The following PALB2 variants were observed in gnomAD, a reference collection of about 807,000 sequenced individuals.
PALB2 encodes the protein partner and localizer of BRCA2, also known as mutant partner and localizer of BRCA2.
PALB2 carries 82 observed loss-of-function variants against 107.4 expected under a neutral mutation model. That is an observed-to-expected ratio of 0.76 (90% CI 0.64 to 0.92). PALB2 has a LOEUF of 0.92. Among genes scored for constraint, PALB2 ranks in the 40% least tolerant of loss-of-function variants. The pLI, the probability that PALB2 is intolerant of heterozygous loss-of-function variation, is 0.00. For missense variants in PALB2, 1,374 were observed against 1,379.9 expected (o/e 1.00, Z 0.07); for synonymous variants, 489 against 496.8 (o/e 0.98, Z 0.21).
chr16:23,631,109 C>CAAAAAAAA (rs58841030), intron 4 of PALB2, among the ~76,000 whole-genome samples: 5 of 58,458 alleles, frequency 8.6e-5, no homozygotes, highest in East Asian at 4.2e-4. Context: ...ACTAAAAATA[C>CAAAAAAAA]AAAAAAAAAA....
chr16:23,628,335 T>A (rs917232803), intron 6 of PALB2, among the ~76,000 whole-genome samples: 12 of 152,226 alleles, frequency 7.9e-5, no homozygotes, highest in Middle Eastern at 3.4e-3. Flanking sequence ...GGCTCAGAGG[T>A]TACACAATTT....
chr16:23,625,053 G>C (rs1966839327), intron 7 of PALB2, among the ~76,000 whole-genome samples: 1 of 152,076 alleles, frequency 6.6e-6, no homozygotes, highest in African/African-American at 2.4e-5. Context: ...CCGTCTCTAG[G>C]CTGGGTGTAG....
chr16:23,629,583 A>C lies in PALB2; in HGVS notation c.2514+57T>G, dbSNP rs1430178509. ...TGCGCAAGCAAGTCATGCTGTTTAC[A>C]TTCACTAAGGCATTTCATTCCTTCA... On this transcript the variant is annotated intron_variant, in intron 5 of 12. Coordinates refer to ENST00000261584, the MANE Select transcript of PALB2 (RefSeq NM_024675.4). 14 of 1,528,120 alleles carry C rather than the reference A, an allele frequency of 9.2e-6. 1 individual carries two copies. Among genetic ancestry groups the C allele is most frequent in the Non-Finnish European group, 1.2e-5 (13 of 1,105,670 alleles). 94.7% of individuals were successfully genotyped at this position (1,528,120 alleles called of 1,614,324 possible).
chr16:23,620,330 C>G (rs960256404), intron 10 of PALB2, among the ~76,000 whole-genome samples: 1 of 151,792 alleles, frequency 6.6e-6, no homozygotes, highest in Admixed American at 6.6e-5. Flanking sequence ...AGGACTTTTC[C>G]CCTCCCTTTC....
chr16:23,617,642 G>A (rs1966707921), intron 10 of PALB2: 1 of 152,072 alleles, frequency 6.6e-6, no homozygotes, highest in Non-Finnish European at 1.5e-5. Context: ...TACTCAGGAG[G>A]CTGAGGTGGG....
intron 11 of PALB2, among the ~76,000 whole-genome samples, chr16:23,610,300 A>G (rs1017765713): frequency 1.3e-5 from 2 of 150,340 alleles, no homozygotes; most frequent in African/African-American, 4.9e-5. Context: ...AAATAATACA[A>G]TGTTATTTCT....
intron 5 of PALB2, 86 bp from the exon 6 acceptor site, chr16:23,629,361 T>A (rs1966854465): frequency 4.1e-6 from 5 of 1,213,810 alleles, no homozygotes; most frequent in Non-Finnish European, 6.1e-6. Flanking sequence ...GTCTACTTCG[T>A]ATTGTCTTTA....
intron 8 of PALB2, among the ~76,000 whole-genome samples, chr16:23,623,528 T>C (rs1047391048): frequency 9.5e-6 from 1 of 105,406 alleles, no homozygotes; most frequent in Non-Finnish European, 1.9e-5. Flanking sequence ...TTTTTTTTTT[T>C]TGAGACAAAG....
At chr16:23,632,403 C>T (rs112466855) in intron 4 of PALB2, among the ~76,000 whole-genome samples, 3 of 152,100 alleles carry the variant, frequency 2.0e-5, no homozygotes, top group East Asian at 3.9e-4. Flanking sequence ...AAGATTGTGC[C>T]ACTGCACTCC....
chr16:23,606,839 T>TTTTTTTTTTG (rs1597065493), intron 12 of PALB2, among the ~76,000 whole-genome samples: 1 of 145,510 alleles, frequency 6.9e-6, no homozygotes, highest in African/African-American at 2.6e-5. Context: ...TTTTTTTTTT[T>TTTTTTTTTTG]GAGACGGAGT....
At chr16:23,605,069 G>A (rs550133739) in intron 12 of PALB2, among the ~76,000 whole-genome samples, 45 of 151,664 alleles carry the variant, frequency 3.0e-4, no homozygotes, top group African/African-American at 9.7e-4. Flanking sequence ...GAGAAACTCC[G>A]TCTCAAAAAA....
chr16:23,608,503 A>G (rs1966522456), intron 11 of PALB2, among the ~76,000 whole-genome samples: 1 of 152,164 alleles, frequency 6.6e-6, no homozygotes, highest in Admixed American at 6.6e-5. Context: ...GCAAAGAGAG[A>G]ATGAGGACAC....
intron 7 of PALB2, among the ~76,000 whole-genome samples, chr16:23,625,920 G>T (rs1332224734): frequency 1.3e-5 from 2 of 150,878 alleles, no homozygotes; most frequent in Non-Finnish European, 3.0e-5. Flanking sequence ...GGTTGAAACT[G>T]CAGTGAGCCG....
rs1966511830 is a variant in PALB2 at position 23,607,976 on chromosome 16, T to C, written c.3238A>G (p.Lys1080Glu). ...GGGCTTCGCAACGACTCACTCTCTT[T>C]GGCACAGGGATGACTCAGGACAATA... is the stretch of plus-strand genomic sequence containing the variant. ...LFIVLSHPCA[K>E]ESESLRSPVF... Residue 1080 changes from lysine (K) to glutamate (E), a missense_variant, in exon 12 of 13, where the codon AAA becomes GAA. By Grantham distance (56) the Lys-to-Glu change is moderately conservative. Transcript: ENST00000261584. The C allele has an allele frequency of 6.2e-7, 1 of 1,614,100 alleles. No individual in the cohort carries two copies. The highest frequency in any genetic ancestry group is 1.1e-5 in the South Asian group (1 of 91,076).
intron 12 of PALB2, among the ~76,000 whole-genome samples, chr16:23,606,546 G>C (rs919709136): frequency 6.6e-6 from 1 of 151,596 alleles, no homozygotes; most frequent in African/African-American, 2.4e-5. Flanking sequence ...GTCAGACCTT[G>C]TTTTCTTGAT....
chr16:23,635,944 C>CT lies in PALB2; in HGVS notation c.601dup (p.Ser201LysfsTer3), dbSNP rs886041220. ...AGAATCTGGAAGTTCAGATTTAAGA[C>CT]TTAAAAGGTGAGTTCTTATTTCAGT... On this transcript the variant is annotated frameshift_variant, in exon 4 of 13. Coordinates refer to ENST00000261584, the MANE Select transcript of PALB2 (RefSeq NM_024675.4). LOFTEE classifies it high-confidence loss of function. The CT allele has an allele frequency of 1.2e-6, 2 of 1,614,022 alleles. No homozygotes were observed. The highest frequency in any genetic ancestry group is 1.7e-6 in the Non-Finnish European group (2 of 1,180,040).
Position 23,629,864 on chromosome 16 carries a change from T to C in PALB2, c.2290A>G (p.Lys764Glu), listed in dbSNP as rs573744591. The C allele has an allele frequency of 3.1e-6, 5 of 1,614,164 alleles. No homozygotes were observed. The East Asian group carries it at 1.1e-4, about 36-fold the overall frequency. The change falls in exon 5 of 13, where the codon AAA becomes GAA. Residue 764 changes from lysine to glutamate, a missense_variant. Lys to Glu is a moderately conservative substitution (Grantham distance 56, BLOSUM62 1). Coordinates refer to ENST00000261584, the MANE Select transcript of PALB2 (RefSeq NM_024675.4). Reference protein sequence around the residue: ...TCCTPQLAHLKDSVCLASDTK... With the variant: ...TCCTPQLAHLEDSVCLASDTK... ...TCACTGGCAAGACAGACTGAGTCTTTCAAATGAGCAAGTTGGGGTGTGCAG... is the reference window on the plus strand; with the variant it reads ...TCACTGGCAAGACAGACTGAGTCTTCCAAATGAGCAAGTTGGGGTGTGCAG...
At chr16:23,612,953 A>G (rs168737) in intron 11 of PALB2, among the ~76,000 whole-genome samples, 11,242 of 150,530 alleles carry the variant, frequency 0.075, 485 homozygotes, top group East Asian at 0.17. Flanking sequence ...GGCTTTCACC[A>G]TATTGGTCAG....
At chr16:23,613,969 A>G in intron 11 of PALB2, 35 bp downstream of exon 11, 3 of 1,489,000 alleles carry the variant, frequency 2.0e-6, no homozygotes, top group Non-Finnish European at 2.8e-6. Context: ...GACCAACAGT[A>G]ACACACAAAG....
Sources: gnomAD v4.1 joint callset for allele counts (sites outside exome capture counted in the v4.1 genomes callset) on GRCh38, gnomAD v4.1.1 for gene constraint, MANE v1.5 for transcripts, NCBI Gene and HGNC (gene_info 2026-07-23, HGNC 2026-07-21) for gene names.